The following TTC23 variants were observed in gnomAD, a reference collection of about 807,000 sequenced individuals.
The protein encoded by TTC23 is tetratricopeptide repeat domain 23.
In TTC23, 58 loss-of-function variants were observed where a neutral mutation model predicts 55.1. The observed-to-expected ratio is 1.05, with a 90% confidence interval of 0.85 to 1.31. TTC23 has a LOEUF of 1.31. Ranked by LOEUF, TTC23 falls within the 50% of genes most tolerant of loss-of-function variation. The pLI is 0.00. For missense variants in TTC23, 516 were observed against 534.4 expected (o/e 0.97, Z 0.34); for synonymous variants, 203 against 199.9 (o/e 1.02, Z -0.13).
chr15:99,248,347 G>A (rs2080441737), intron 1 of TTC23: 1 of 152,138 alleles, frequency 6.6e-6, no homozygotes, highest in Admixed American at 6.5e-5. Flanking sequence ...CTGATTTTGG[G>A]AATTCCGGCT....
intron 8 of TTC23, among the ~76,000 whole-genome samples, chr15:99,201,725 A>G (rs1455749802): frequency 1.3e-5 from 2 of 152,200 alleles, no homozygotes; most frequent in Non-Finnish European, 2.9e-5. Context: ...CTGGGAAGGA[A>G]AAAGATTAAT....
intron 12 of TTC23, among the ~76,000 whole-genome samples, chr15:99,153,148 C>A (rs1241344510): frequency 6.6e-6 from 1 of 152,222 alleles, no homozygotes; most frequent in Non-Finnish European, 1.5e-5. Flanking sequence ...ACGCAGGGAA[C>A]CTGCCACCCT....
Position 99,169,129 on chromosome 15 carries a change from TC to T in TTC23, c.865+5920del, listed in dbSNP as rs1439132917. ...TGCACCCTCACTTCCCCTTTCTCCC[TC>T]ACTCCCTGTGGGGCACAGAGCAGGG... On this transcript the variant is annotated intron_variant, in intron 10 of 13. Coordinates refer to ENST00000394132, the MANE Select transcript of TTC23 (RefSeq NM_001288615.3). Among the ~76,000 whole-genome samples the T allele has an allele frequency of 2.6e-5, 4 of 152,336 alleles. No homozygotes were observed. The East Asian group carries it at 7.7e-4, about 29-fold the overall frequency.
chr15:99,141,244 T>C (rs2068200689), intron 12 of TTC23, among the ~76,000 whole-genome samples: 1 of 152,186 alleles, frequency 6.6e-6, no homozygotes, highest in Non-Finnish European at 1.5e-5. Context: ...ATGTTTGATA[T>C]ATGTATGTGT....
intron 5 of TTC23, among the ~76,000 whole-genome samples, chr15:99,226,276 C>T (rs543617305): frequency 1.3e-4 from 20 of 151,978 alleles, no homozygotes; most frequent in South Asian, 4.2e-4. Context: ...TTCCTAATTA[C>T]GATCACTGTA....
At chr15:99,190,577 T>C (rs1355524252) in intron 9 of TTC23, among the ~76,000 whole-genome samples, 1 of 152,198 alleles carries the variant, frequency 6.6e-6, no homozygotes, top group African/African-American at 2.4e-5. Flanking sequence ...GTGTGTATGT[T>C]TGTATGTATG....
intron 5 of TTC23, among the ~76,000 whole-genome samples, chr15:99,224,410 A>C (rs2152058834): frequency 6.6e-6 from 1 of 152,284 alleles, no homozygotes; most frequent in South Asian, 2.1e-4. Flanking sequence ...AACTACATGC[A>C]GGTTTACAGC....
intron 9 of TTC23, among the ~76,000 whole-genome samples, chr15:99,186,743 C>G (rs1276511142): frequency 6.6e-6 from 1 of 151,728 alleles, no homozygotes; most frequent in Non-Finnish European, 1.5e-5. Flanking sequence ...ATAAATTTAC[C>G]CAAAGAAGTA....
intron 9 of TTC23, among the ~76,000 whole-genome samples, chr15:99,186,957 A>C: frequency 6.6e-6 from 1 of 152,232 alleles, no homozygotes; most frequent in Non-Finnish European, 1.5e-5. Flanking sequence ...GAAATTGACA[A>C]GCTGATCCTA....
intron 2 of TTC23, 118 bp downstream of exon 2, chr15:99,245,271 G>C (rs915352671): frequency 1.3e-5 from 2 of 152,280 alleles, no homozygotes; most frequent in African/African-American, 4.8e-5. Context: ...CAGCACTTTG[G>C]GAGGCCGAGG....
chr15:99,154,274 T>C (rs2070240399), intron 12 of TTC23, among the ~76,000 whole-genome samples: 1 of 152,218 alleles, frequency 6.6e-6, no homozygotes, highest in African/African-American at 2.4e-5. Flanking sequence ...ATACAAATAT[T>C]GGCACAAAAA....
chr15:99,202,815 C>T (rs1042997176), intron 8 of TTC23, among the ~76,000 whole-genome samples: 17 of 152,330 alleles, frequency 1.1e-4, no homozygotes, highest in South Asian at 2.1e-4. Flanking sequence ...GTAGTCCAAG[C>T]AGCCTTGTTG....
chr15:99,205,886 C>T (rs1446760872), intron 8 of TTC23, among the ~76,000 whole-genome samples: 4 of 152,130 alleles, frequency 2.6e-5, no homozygotes, highest in Admixed American at 1.3e-4. Context: ...TGTCTTGTCC[C>T]AGATCTTAGA....
intron 11 of TTC23, chr15:99,159,034 T>A (rs1374421143): frequency 6.6e-6 from 1 of 152,376 alleles, no homozygotes; most frequent in Non-Finnish European, 1.5e-5. Context: ...TCTATTATGA[T>A]AAGGGCATTG....
chr15:99,222,887 C>T lies in TTC23; in HGVS notation c.181-1023G>A, dbSNP rs1414183391. ...TGGCGGCCGCCCGTAGTCCCAGCTACTCGGGAGGCTGGGGCAGGAGAATGG... is the reference window on the plus strand; with the variant it reads ...TGGCGGCCGCCCGTAGTCCCAGCTATTCGGGAGGCTGGGGCAGGAGAATGG... On this transcript the variant is annotated intron_variant, in intron 5 of 13. Transcript: ENST00000394132. 2.0e-5 allele frequency among the ~76,000 whole-genome samples: 3 copies of T among 152,146 alleles called. No individual in the cohort carries two copies. In the East Asian group the frequency reaches 5.8e-4, roughly 29 times the overall value.
intron 9 of TTC23, among the ~76,000 whole-genome samples, chr15:99,195,618 G>A (rs1438470717): frequency 6.6e-6 from 1 of 152,158 alleles, no homozygotes; most frequent in East Asian, 1.9e-4. Flanking sequence ...TTTTAGGGCA[G>A]TGAAGCCACT....
rs187126840 is a variant in TTC23 at position 99,169,066 on chromosome 15, G to C, written c.865+5984C>G. Reference sequence around the variant, plus strand: ...AATGCTGGTGAAAACAGAGTATGGGGCATCTCTTTCCTTCTCTGGGCCTCA... The same window carrying C: ...AATGCTGGTGAAAACAGAGTATGGGCCATCTCTTTCCTTCTCTGGGCCTCA... On this transcript the variant is annotated intron_variant, in intron 10 of 13. Coordinates refer to ENST00000394132, the MANE Select transcript of TTC23 (RefSeq NM_001288615.3). Among the ~76,000 whole-genome samples the C allele has an allele frequency of 3.4e-3, 516 of 152,290 alleles. 2 individuals carry two copies. The highest frequency in any genetic ancestry group is 0.011 in the African/African-American group (457 of 41,540).
At chr15:99,207,446 A>G (rs2076711799) in intron 8 of TTC23, among the ~76,000 whole-genome samples, 1 of 152,342 alleles carries the variant, frequency 6.6e-6, no homozygotes, top group Non-Finnish European at 1.5e-5. Flanking sequence ...TAACTTCCCT[A>G]TCAGAAAAAT....
chr15:99,250,321 T>C (rs940222092), upstream of TTC23, among the ~76,000 whole-genome samples: 4 of 152,250 alleles, frequency 2.6e-5, no homozygotes, highest in African/African-American at 9.6e-5. Context: ...ATTTTTATTA[T>C]AACTCATACC....
Sources: allele counts gnomAD v4.1 joint callset (sites outside exome capture counted in the v4.1 genomes callset), GRCh38; gene constraint gnomAD v4.1.1; transcripts MANE v1.5; gene names NCBI Gene and HGNC (gene_info 2026-07-23, HGNC 2026-07-21).